SP1: variants seen among roughly 807,000 people sequenced by gnomAD.
SP1 encodes the protein transcription factor Sp1.
A neutral mutation model predicts 66.3 loss-of-function variants in SP1; 6 were observed. The ratio of observed to expected loss-of-function variants is 0.09; its 90% CI spans 0.05 to 0.18. The LOEUF (loss-of-function observed/expected upper bound fraction) is 0.18, where lower values mean the gene tolerates loss of function less well. Ranked by LOEUF, SP1 falls within the 10% of genes least tolerant of loss-of-function variation. SP1 has a pLI of 1.00. For missense variants in SP1, 848 were observed against 964.5 expected (o/e 0.88, Z 1.60); for synonymous variants, 417 against 360.8 (o/e 1.16, Z -1.77).
chr12:53,385,630 A>C (rs1179801212), intron 3 of SP1, among the ~76,000 whole-genome samples: 4 of 126,300 alleles, frequency 3.2e-5, no homozygotes, highest in Admixed American at 2.5e-4. Context: ...AAATTTGATT[A>C]TGGGCTGGGC....
At chr12:53,380,741 C>G (rs1326832934) in intron 1 of SP1, 1 of 714,026 alleles carries the variant, frequency 1.4e-6, no homozygotes, top group Non-Finnish European at 1.7e-6. Context: ...TCCCTTCCCC[C>G]CCGCCCCCCA....
chr12:53,389,270 G>A (rs973220749), intron 3 of SP1, among the ~76,000 whole-genome samples: 2 of 145,854 alleles, frequency 1.4e-5, no homozygotes, highest in Non-Finnish European at 3.0e-5. Flanking sequence ...TGCCCAGGGT[G>A]GAGTCCAATG....
At chr12:53,406,889 A>G in intron 4 of SP1, 136 bp downstream of exon 4, 1 of 694,994 alleles carries the variant, frequency 1.4e-6, no homozygotes, top group Non-Finnish European at 2.3e-6. Flanking sequence ...CAGTGGCGCA[A>G]TCTTGGCTCA....
Position 53,413,880 on chromosome 12 carries a change from C to T in SP1, c.*2640C>T, listed in dbSNP as rs1938944867. On this transcript the variant is annotated 3_prime_UTR_variant, in exon 6 of 6. Transcript: ENST00000327443. ...GAATGAAAAGCTGCTGGTTTACCCT[C>T]AACCCTATTCATTAGCATTACCATG... 6.6e-6 allele frequency: 1 copy of T among 152,218 alleles called. No homozygotes were observed. Among genetic ancestry groups the T allele is most frequent in the Non-Finnish European group, 1.5e-5 (1 of 68,030 alleles). The allele number at this position is 152,218 out of a possible 1,614,324, so 9.4% of individuals were successfully genotyped here.
Position 53,382,689 on chromosome 12 carries a change from G to A in SP1, c.742G>A (p.Gly248Arg). The change falls in exon 3 of 6, where the codon GGA becomes AGA. Residue 248 changes from glycine to arginine, a missense_variant. Coordinates refer to ENST00000327443, the MANE Select transcript of SP1 (RefSeq NM_138473.3). ...AGGCCTGGCTAATAATGTACTCTCA[G>A]GACAGACTCAGTATGTGACCAATGT... ...LQGLANNVLS[G>R]QTQYVTNVPV... 1.2e-6 allele frequency: 2 copies of A among 1,614,130 alleles called. No individual in the cohort carries two copies. The highest frequency in any genetic ancestry group is 1.1e-5 in the South Asian group (1 of 91,076).
At chr12:53,410,473 GC>G (rs1453089821) in intron 5 of SP1, among the ~76,000 whole-genome samples, 2 of 151,158 alleles carry the variant, frequency 1.3e-5, no homozygotes, top group African/African-American at 4.9e-5. Context: ...TCTTCCTCAC[GC>G]CCCCGCCAAA....
chr12:53,399,163 T>C (rs144564795), intron 3 of SP1, among the ~76,000 whole-genome samples: 13 of 152,236 alleles, frequency 8.5e-5, no homozygotes, highest in African/African-American at 2.4e-4. Context: ...ACCTTATTGA[T>C]GTACATTTGT....
chr12:53,398,211 A>G (rs1354924702), intron 3 of SP1, among the ~76,000 whole-genome samples: 1 of 152,202 alleles, frequency 6.6e-6, no homozygotes, highest in Non-Finnish European at 1.5e-5. Context: ...TCTTTGTACC[A>G]CTTTAACCAC....
intron 3 of SP1, among the ~76,000 whole-genome samples, chr12:53,384,646 G>T (rs1034367214): frequency 3.9e-5 from 6 of 152,104 alleles, no homozygotes; most frequent in Admixed American, 3.9e-4. Flanking sequence ...ACCATTCTTA[G>T]CTCTAAGGCC....
chr12:53,380,635 G>A, intron 1 of SP1: 1 of 997,168 alleles, frequency 1.0e-6, no homozygotes, highest in Non-Finnish European at 1.2e-6. Flanking sequence ...GGGGCGGCCC[G>A]AGCAGCGAAG....
chr12:53,384,788 C>T (rs368454930), intron 3 of SP1, among the ~76,000 whole-genome samples: 29 of 151,724 alleles, frequency 1.9e-4, no homozygotes, highest in African/African-American at 6.3e-4. Flanking sequence ...AGTTCAAGAC[C>T]GGCTGGGGCA....
At chr12:53,404,261 C>T (rs187842210) in intron 3 of SP1, among the ~76,000 whole-genome samples, 204 of 151,010 alleles carry the variant, frequency 1.4e-3, no homozygotes, top group Non-Finnish European at 2.4e-3. Flanking sequence ...CAGCCGGGTG[C>T]GGTGACTCAC....
At chr12:53,380,676 C>G in intron 1 of SP1, 5 of 988,688 alleles carry the variant, frequency 5.1e-6, no homozygotes, top group Non-Finnish European at 6.0e-6. Flanking sequence ...CTGCCTGGTC[C>G]GCCCTCTGGT....
In SP1 at chr12:53,382,864, G is replaced by T. The variant is rs1938138898; in HGVS notation, c.917G>T (p.Ser306Ile). Residue 306 changes from serine (S) to isoleucine (I), a missense_variant, in exon 3 of 6, where the codon AGT (serine) becomes ATT (isoleucine). By Grantham distance (142) the Ser-to-Ile change is moderately radical. This residue lies in a region of SP1 where 606 missense variants were observed against 589.9 expected (regional missense o/e 1.03). Coordinates refer to ENST00000327443, the MANE Select transcript of SP1 (RefSeq NM_138473.3). ...SQPVTSGTTISSASLVSSQAS... is the reference protein window; with the variant it reads ...SQPVTSGTTIISASLVSSQAS... ...CCTGTCACCTCAGGGACTACCATCA[G>T]TTCTGCCAGCTTGGTATCATCACAA... The T allele has an allele frequency of 6.2e-7, 1 of 1,614,038 alleles. No homozygotes were observed. The highest frequency in any genetic ancestry group is 1.3e-5 in the African/African-American group (1 of 74,908).
In SP1 at chr12:53,382,398, G is replaced by A; in HGVS notation, c.451G>A (p.Ala151Thr). 1.2e-6 allele frequency: 2 copies of A among 1,614,204 alleles called. No homozygotes were observed. The highest frequency in any genetic ancestry group is 1.7e-6 in the Non-Finnish European group (2 of 1,180,036). The change falls in exon 3 of 6, where the codon GCC becomes ACC. Residue 151 changes from alanine (A) to threonine (T), a missense_variant. Coordinates refer to ENST00000327443, the MANE Select transcript of SP1 (RefSeq NM_138473.3). ...TVSGGQYVVA[A>T]APNLQNQQVL... ...CTCTGGTGGGCAGTATGTTGTGGCTGCCGCTCCCAACTTACAGAACCAGCA... is the reference window on the plus strand; with the variant it reads ...CTCTGGTGGGCAGTATGTTGTGGCTACCGCTCCCAACTTACAGAACCAGCA...
chr12:53,410,942 C>A lies in SP1; in HGVS notation c.2060C>A (p.Ala687Asp), dbSNP rs1438211768. 1 of 1,612,106 alleles carries A rather than the reference C, an allele frequency of 6.2e-7. No individual in the cohort carries two copies. Among genetic ancestry groups the A allele is most frequent in the Non-Finnish European group, 8.5e-7 (1 of 1,178,808 alleles). Residue 687 changes from alanine to aspartate, a missense_variant, in exon 6 of 6, where the codon GCC becomes GAC. Around this residue, in one of 7 missense-constraint regions of SP1, gnomAD observed 39 missense variants for 124.2 expected, o/e 0.31. Transcript: ENST00000327443. ...CTTTACCTAGGTGAGAAGAAATTTG[C>A]CTGCCCTGAGTGTCCTAAGCGCTTC... ...KRTHTGEKKF[A>D]CPECPKRFMR...
intron 3 of SP1, among the ~76,000 whole-genome samples, chr12:53,397,809 C>T (rs1938523169): frequency 6.6e-6 from 1 of 152,144 alleles, no homozygotes; most frequent in South Asian, 2.1e-4. Context: ...CCGCCTTGGC[C>T]TCCCAAAGTG....
intron 4 of SP1, 113 bp downstream of exon 4, chr12:53,406,866 C>G (rs930932402): frequency 1.4e-5 from 13 of 930,618 alleles, no homozygotes; most frequent in Middle Eastern, 3.5e-4. Context: ...ACTCTGTTGC[C>G]CAGGCTGGAG....
intron 3 of SP1, among the ~76,000 whole-genome samples, chr12:53,386,105 T>C (rs1191910964): frequency 4.6e-5 from 7 of 152,160 alleles, no homozygotes; most frequent in African/African-American, 1.4e-4. Context: ...TTAATCAGGA[T>C]TGAATTTTTT....
Sources: gnomAD v4.1 joint callset for allele counts (sites outside exome capture counted in the v4.1 genomes callset) on GRCh38, gnomAD v4.1.1 for gene constraint, gnomAD v4.1.1 regional missense constraint, MANE v1.5 for transcripts, NCBI Gene and HGNC (gene_info 2026-07-23, HGNC 2026-07-21) for gene names.